Variants in DNMT3B observed in about 807,000 individuals in gnomAD.
DNMT3B encodes the protein DNA methyltransferase 3 beta.
Under a neutral mutation model 120.2 loss-of-function variants are expected in DNMT3B, and 37 were observed. That is an observed-to-expected ratio of 0.31 (90% confidence interval 0.24 to 0.40). The LOEUF (loss-of-function observed/expected upper bound fraction) is 0.40. Among genes scored for constraint, DNMT3B ranks in the 10% least tolerant of loss-of-function variants. The pLI, the probability that DNMT3B is intolerant of heterozygous loss-of-function variation, is 1.00. For missense variants in DNMT3B, 878 were observed against 1,137.3 expected, an observed-to-expected ratio of 0.77 and a Z score of 3.28; for synonymous variants, 412 against 442.8, an observed-to-expected ratio of 0.93 and a Z score of 0.87.
intron 21 of DNMT3B, among the ~76,000 whole-genome samples, chr20:32,805,902 G>A (rs138450321): frequency 0.011 from 1,741 of 152,120 alleles, 44 homozygotes; most frequent in African/African-American, 0.04. Context: ...ACGTGATCTC[G>A]TTCATGGTCA....
intron 1 of DNMT3B, among the ~76,000 whole-genome samples, chr20:32,771,139 G>T (rs1226699125): frequency 6.6e-6 from 1 of 152,092 alleles, no homozygotes; most frequent in Non-Finnish European, 1.5e-5. Context: ...ATATTTTCTG[G>T]TTACGATAGA....
chr20:32,778,711 C>G (rs1256066127), intron 1 of DNMT3B, among the ~76,000 whole-genome samples: 1 of 152,180 alleles, frequency 6.6e-6, no homozygotes. Flanking sequence ...TAGAAGGTAC[C>G]CTGGTTTGAG....
At chr20:32,780,118 G>A (rs759146619) in intron 1 of DNMT3B, 200 bp from the exon 2 acceptor site, 1 of 1,613,758 alleles carries the variant, frequency 6.2e-7, no homozygotes, top group South Asian at 1.1e-5. Flanking sequence ...CTGTCCACAT[G>A]GAACCAAGTC....
chr20:32,797,087 G>C, intron 13 of DNMT3B, 100 bp from the exon 14 acceptor site: 1 of 1,605,214 alleles, frequency 6.2e-7, no homozygotes, highest in Non-Finnish European at 8.5e-7. Flanking sequence ...GCCACCAGCA[G>C]TGTGTTCTGC....
chr20:32,793,526 C>T lies in DNMT3B; in HGVS notation c.1067-10C>T. On this transcript the variant is annotated splice_polypyrimidine_tract_variant and intron_variant, in intron 9 of 22. Transcript: ENST00000328111. Reference sequence around the variant, plus strand: ...GTTTTTTCTGTTTTGTTTTGTTTTCCCCTCAAAAGTGGTTAATAAGTCGAA... The same window carrying T: ...GTTTTTTCTGTTTTGTTTTGTTTTCTCCTCAAAAGTGGTTAATAAGTCGAA... 1 of 1,613,916 alleles carries T rather than the reference C, an allele frequency of 6.2e-7. No homozygotes were observed. The highest frequency in any genetic ancestry group is 8.5e-7 in the Non-Finnish European group (1 of 1,179,924).
chr20:32,765,427 T>C (rs1310165005), intron 1 of DNMT3B, among the ~76,000 whole-genome samples: 1 of 70,508 alleles, frequency 1.4e-5, no homozygotes, highest in African/African-American at 7.6e-5. Flanking sequence ...TTTTTCTTTC[T>C]TTTTTTTTTT....
chr20:32,803,659 G>A (rs1211046793), intron 20 of DNMT3B, among the ~76,000 whole-genome samples: 1 of 152,194 alleles, frequency 6.6e-6, no homozygotes, highest in Non-Finnish European at 1.5e-5. Context: ...GGTTGATGGG[G>A]AAGGCTTCTC....
At chr20:32,801,659 A>G (rs887906568) in intron 19 of DNMT3B, among the ~76,000 whole-genome samples, 2 of 152,098 alleles carry the variant, frequency 1.3e-5, no homozygotes, top group Non-Finnish European at 2.9e-5. Context: ...ATTACAGCTC[A>G]CTGGAGCCTC....
intron 10 of DNMT3B, among the ~76,000 whole-genome samples, chr20:32,794,935 C>T (rs966033740): frequency 9.2e-5 from 14 of 152,128 alleles, no homozygotes; most frequent in Non-Finnish European, 1.8e-4. Context: ...ATTCATAAAA[C>T]GTGCATTTGA....
intron 1 of DNMT3B, among the ~76,000 whole-genome samples, chr20:32,763,411 G>T (rs1987097728): frequency 6.6e-6 from 1 of 152,218 alleles, no homozygotes; most frequent in Non-Finnish European, 1.5e-5. Flanking sequence ...ACCTGGCCCG[G>T]GAGGAGCCGG....
intron 7 of DNMT3B, among the ~76,000 whole-genome samples, chr20:32,790,907 T>G (rs1979901190): frequency 1.3e-5 from 2 of 152,140 alleles, no homozygotes; most frequent in East Asian, 3.9e-4. Flanking sequence ...AGCGATCCTC[T>G]CAACTCCCAC....
chr20:32,779,689 C>CT (rs1266222140), intron 1 of DNMT3B, among the ~76,000 whole-genome samples: 4 of 152,236 alleles, frequency 2.6e-5, no homozygotes, highest in East Asian at 1.9e-4. Context: ...ACTTGGGACT[C>CT]TGAGCCCCAG....
At chr20:32,787,176 C>T (rs1211508039) in intron 5 of DNMT3B, 54 bp from the exon 6 acceptor site, 1 of 1,610,092 alleles carries the variant, frequency 6.2e-7, no homozygotes, top group East Asian at 2.2e-5. Flanking sequence ...CCGTTGGTCT[C>T]TGGTCACCGA....
chr20:32,782,728 T>C (rs922233220), intron 3 of DNMT3B, among the ~76,000 whole-genome samples: 4 of 116,766 alleles, frequency 3.4e-5, no homozygotes, highest in African/African-American at 1.3e-4. Flanking sequence ...TATGTAGATA[T>C]AGACAAAAAC....
chr20:32,796,758 T>G, intron 12 of DNMT3B, 32 bp from the exon 13 acceptor site: 1 of 1,613,860 alleles, frequency 6.2e-7, no homozygotes, highest in Non-Finnish European at 8.5e-7. Context: ...GGGCCTCAAC[T>G]GCCAAAAGCC....
chr20:32,792,603 C>T, intron 8 of DNMT3B, 23 bp from the exon 9 acceptor site: 1 of 1,614,134 alleles, frequency 6.2e-7, no homozygotes, highest in Middle Eastern at 1.7e-4. Flanking sequence ...CCCCCCCATT[C>T]ATCACAGACT....
chr20:32,795,681 G>C lies in DNMT3B; in HGVS notation c.1284G>C (p.Lys428Asn), dbSNP rs1568850501. The change falls in exon 12 of 23, where the codon AAG becomes AAC. Residue 428 changes from lysine (K) to asparagine (N), a missense_variant. Physicochemically the swap from Lys to Asn is moderately conservative, Grantham distance 94 (BLOSUM62 0). Transcript: ENST00000328111. ...TGGCTTCAGATGTTGCCAACAACAA[G>C]AGCAGCCTGGAAGGTAACGTTCTCT... ...EQMASDVANN[K>N]SSLEDGCLSC... 1.9e-6 allele frequency: 3 copies of C among 1,614,140 alleles called. No individual in the cohort carries two copies. Among genetic ancestry groups the C allele is most frequent in the Non-Finnish European group, 2.5e-6 (3 of 1,180,044 alleles).
intron 1 of DNMT3B, among the ~76,000 whole-genome samples, chr20:32,777,016 T>C (rs1236704658): frequency 6.6e-6 from 1 of 152,192 alleles, no homozygotes; most frequent in Admixed American, 6.5e-5. Context: ...TCTACACAGC[T>C]GTGGCTATAA....
At position 32,787,242 on chromosome 20, in the gene DNMT3B, C is replaced by T. The variant is rs200405601; in HGVS notation, c.445C>T (p.Arg149Trp). The T allele has an allele frequency of 4.8e-5, 77 of 1,614,256 alleles. No individual in the cohort carries two copies. The highest frequency in any genetic ancestry group is 1.6e-4 in the Middle Eastern group (1 of 6,062). Residue 149 changes from arginine to tryptophan, a missense_variant, in exon 6 of 23, where the codon CGG (arginine) becomes TGG (tryptophan). By Grantham distance (101) the Arg-to-Trp change is moderately radical (BLOSUM62 -3). Around this residue, in one of 4 missense-constraint regions of DNMT3B, gnomAD observed 287 missense variants for 306.2 expected, o/e 0.94. Transcript: ENST00000328111. ...EFPATRSLRR[R>W]ATASAGTPWP... ...CTTCTGTCCACAGTCCCTGAGACGG[C>T]GGGCAACAGCATCGGCAGGAACGCC...
Sources: gnomAD v4.1 joint callset for allele counts (sites outside exome capture counted in the v4.1 genomes callset) on GRCh38, gnomAD v4.1.1 for gene constraint, gnomAD v4.1.1 regional missense constraint, MANE v1.5 for transcripts, NCBI Gene and HGNC (gene_info 2026-07-23, HGNC 2026-07-21) for gene names.